Variants in COL23A1 observed in about 807,000 individuals in gnomAD.
The protein encoded by COL23A1 is collagen type XXIII alpha 1 chain, also known as collagen alpha-1(XXIII) chain.
Under a neutral mutation model 99.3 loss-of-function variants are expected in COL23A1, and 97 were observed. The ratio of observed to expected loss-of-function variants is 0.98; its 90% confidence interval spans 0.83 to 1.16. The LOEUF (loss-of-function observed/expected upper bound fraction) is 1.16. Ranked by LOEUF, COL23A1 falls within the 50% of genes most tolerant of loss-of-function variation. The pLI is 0.00. For missense variants in COL23A1, 762 were observed against 757.4 expected (o/e 1.01, Z -0.07); for synonymous variants, 320 against 308.2 (o/e 1.04, Z -0.40).
intron 19 of COL23A1, among the ~76,000 whole-genome samples, chr5:178,248,551 A>G (rs1452656971): frequency 4.6e-5 from 7 of 152,102 alleles, no homozygotes; most frequent in Non-Finnish European, 8.8e-5. Flanking sequence ...TAGCCCAGTG[A>G]CCATCAGGGA....
intron 1 of COL23A1, chr5:178,562,796 C>A (rs1762667362): frequency 1.3e-5 from 2 of 149,928 alleles, no homozygotes; most frequent in Admixed American, 1.3e-4. Context: ...CTGATTGGTC[C>A]ACTTTACAGA....
At chr5:178,502,406 C>T (rs1236626451) in intron 2 of COL23A1, among the ~76,000 whole-genome samples, 2 of 152,244 alleles carry the variant, frequency 1.3e-5, no homozygotes, top group Non-Finnish European at 2.9e-5. Context: ...GCTGGGATTA[C>T]AGGCGTGAGC....
In COL23A1 at chr5:178,468,070, C is replaced by T. The variant is rs752185371; in HGVS notation, c.361+92612G>A. Among the ~76,000 whole-genome samples the T allele has an allele frequency of 3.3e-5, 5 of 152,246 alleles. No individual in the cohort carries two copies. The highest frequency in any genetic ancestry group is 1.9e-4 in the East Asian group (1 of 5,164). ...ACGCATCACCTAACAGCCTCTGGGG[C>T]GGTGTGTTCCTTATGTTGGGAGTGG... On this transcript the variant is annotated intron_variant, in intron 2 of 28. Transcript: ENST00000390654. This position sits in a 1 kb window ranked among gnomAD's most constrained non-coding sequence, Gnocchi z 4.2.
intron 2 of COL23A1, among the ~76,000 whole-genome samples, chr5:178,509,982 G>A (rs1329007549): frequency 4.6e-5 from 7 of 152,140 alleles, no homozygotes; most frequent in Non-Finnish European, 8.8e-5. Flanking sequence ...TCCGTCCTTA[G>A]TGCTCACCAT....
chr5:178,426,886 C>T (rs1318120978), intron 2 of COL23A1, among the ~76,000 whole-genome samples: 2 of 152,188 alleles, frequency 1.3e-5, no homozygotes, highest in Admixed American at 6.5e-5. Context: ...CATATGCCAT[C>T]AGGGAAGTGC....
intron 8 of COL23A1, among the ~76,000 whole-genome samples, chr5:178,264,338 A>T (rs941914497): frequency 8.6e-5 from 4 of 46,464 alleles, no homozygotes; most frequent in African/African-American, 7.5e-4. Context: ...AAATAAAAGT[A>T]AAAAAAAAAA....
chr5:178,367,176 AG>A (rs1201434808), intron 2 of COL23A1, among the ~76,000 whole-genome samples: 1 of 152,182 alleles, frequency 6.6e-6, no homozygotes, highest in Non-Finnish European at 1.5e-5. Flanking sequence ...CATCAGCACT[AG>A]CTTGATCTGC....
intron 2 of COL23A1, among the ~76,000 whole-genome samples, chr5:178,382,511 G>A (rs555635124): frequency 7.2e-5 from 11 of 152,262 alleles, no homozygotes; most frequent in African/African-American, 2.2e-4. Flanking sequence ...TGGAGGAGGC[G>A]GGACCTGAGG....
At chr5:178,390,104 C>G (rs1763887941) in intron 2 of COL23A1, among the ~76,000 whole-genome samples, 1 of 152,194 alleles carries the variant, frequency 6.6e-6, no homozygotes. Flanking sequence ...TCAAAGCTAC[C>G]AGAGGCCACG....
rs983017581 is a variant in COL23A1 at position 178,406,090 on chromosome 5, G to A, written c.362-99171C>T. 5.5e-4 allele frequency among the ~76,000 whole-genome samples: 83 copies of A among 152,194 alleles called. 1 individual carries two copies. Among genetic ancestry groups the A allele is most frequent in the Non-Finnish European group, 3.2e-4 (22 of 68,044 alleles). ...TGCACTCCAGCCTGGGCAACAGAGT[G>A]AGACTCTGTCTCAAAATAAACAAAC... On this transcript the variant is annotated intron_variant, in intron 2 of 28. Transcript: ENST00000390654.
intron 2 of COL23A1, among the ~76,000 whole-genome samples, chr5:178,508,490 C>T (rs1206830225): frequency 2.0e-5 from 3 of 152,120 alleles, no homozygotes; most frequent in African/African-American, 7.2e-5. Context: ...TCTATCTTAG[C>T]CAGCTCCCAT....
chr5:178,488,088 G>A (rs1366194437), intron 2 of COL23A1, among the ~76,000 whole-genome samples: 3 of 152,218 alleles, frequency 2.0e-5, no homozygotes, highest in Non-Finnish European at 4.4e-5. Flanking sequence ...GCCCACGGCA[G>A]GGTGCCTGGC....
chr5:178,393,423 T>C (rs1242586487), intron 2 of COL23A1, among the ~76,000 whole-genome samples: 1 of 152,176 alleles, frequency 6.6e-6, no homozygotes, highest in Middle Eastern at 3.2e-3. Flanking sequence ...GAGTTTTCGT[T>C]CTGCAAGATG....
At chr5:178,408,994 ACACACAC>A (rs1764919265) in intron 2 of COL23A1, among the ~76,000 whole-genome samples, 2 of 147,544 alleles carry the variant, frequency 1.4e-5, no homozygotes, top group Non-Finnish European at 3.0e-5. Flanking sequence ...ACACACACAC[ACACACAC>A]ACACACACAC....
chr5:178,476,424 T>C (rs1008717759), intron 2 of COL23A1, among the ~76,000 whole-genome samples: 1 of 152,220 alleles, frequency 6.6e-6, no homozygotes, highest in Admixed American at 6.5e-5. Context: ...GCCTCTTCTT[T>C]GGTTTTTTGG....
intron 2 of COL23A1, among the ~76,000 whole-genome samples, chr5:178,319,082 G>A (rs567711207): frequency 5.2e-4 from 79 of 152,212 alleles, no homozygotes; most frequent in African/African-American, 1.7e-3. Context: ...AGGCTGTGTC[G>A]GTGCTGGGTG....
chr5:178,359,680 C>T (rs1317742325), intron 2 of COL23A1, among the ~76,000 whole-genome samples: 1 of 152,236 alleles, frequency 6.6e-6, no homozygotes, highest in East Asian at 1.9e-4. Flanking sequence ...TGCACGCTGG[C>T]TCTGTATGTC....
intron 3 of COL23A1, among the ~76,000 whole-genome samples, chr5:178,294,987 CAACAA>C (rs112952760): frequency 3.9e-5 from 6 of 152,068 alleles, no homozygotes; most frequent in Admixed American, 2.0e-4. Flanking sequence ...ATTAAAAATA[CAACAA>C]AACAAAACAA....
In COL23A1 at chr5:178,310,179, C is replaced by G. The variant is rs1324621825; in HGVS notation, c.362-3260G>C. Among the ~76,000 whole-genome samples, 2 of 152,142 alleles carry G rather than the reference C, an allele frequency of 1.3e-5. No individual in the cohort carries two copies. The highest frequency in any genetic ancestry group is 2.9e-5 in the Non-Finnish European group (2 of 68,002). ...CTGGGAGAGGGCGAGTGTGCCGGAGCTGCACTCCCTGCTGACTGTGGGCTC... is the reference window on the plus strand; with the variant it reads ...CTGGGAGAGGGCGAGTGTGCCGGAGGTGCACTCCCTGCTGACTGTGGGCTC... On this transcript the variant is annotated intron_variant, in intron 2 of 28. Coordinates refer to ENST00000390654, the MANE Select transcript of COL23A1 (RefSeq NM_173465.4). The surrounding 1 kb of genome is among the most constrained non-coding windows in gnomAD (Gnocchi z 4.3).
Sources: gnomAD v4.1 joint callset for allele counts (sites outside exome capture counted in the v4.1 genomes callset) on GRCh38, gnomAD v4.1.1 for gene constraint, Gnocchi (gnomAD v3.1) non-coding constraint, MANE v1.5 for transcripts, NCBI Gene and HGNC (gene_info 2026-07-23, HGNC 2026-07-21) for gene names.